EGFLAM: variants seen among roughly 807,000 people sequenced by gnomAD.
EGFLAM encodes pikachurin.
Under a neutral mutation model 113.1 loss-of-function variants are expected in EGFLAM, and 79 were observed. That is an observed-to-expected ratio of 0.70 (90% CI 0.58 to 0.84). The LOEUF (loss-of-function observed/expected upper bound fraction) is 0.84, where lower values mean the gene tolerates loss of function less well. EGFLAM is among the 40% of genes least tolerant of loss of function. The probability of loss-of-function intolerance (pLI) is 0.00; values close to 1 mark genes in which losing one functional copy is unlikely to be tolerated. For synonymous variants in EGFLAM, 504 were observed against 487.6 expected (o/e 1.03, Z -0.44); for missense variants, 1,265 against 1,291.6 (o/e 0.98, Z 0.32).
chr5:38,417,194 C>T (rs944604813), intron 11 of EGFLAM, among the ~76,000 whole-genome samples: 2 of 151,690 alleles, frequency 1.3e-5, no homozygotes, highest in African/African-American at 2.4e-5. Flanking sequence ...TCTAAAAATA[C>T]AAAATTAGCT....
At chr5:38,409,908 T>C (rs1042670429) in intron 10 of EGFLAM, among the ~76,000 whole-genome samples, 1 of 152,084 alleles carries the variant, frequency 6.6e-6, no homozygotes, top group African/African-American at 2.4e-5. Context: ...TAATGAGTCT[T>C]GTGGAGGTGT....
intron 17 of EGFLAM, chr5:38,445,587 C>A: frequency 6.3e-7 from 1 of 1,597,644 alleles, no homozygotes; most frequent in South Asian, 1.1e-5. Context: ...ACAAGGCTGG[C>A]TTCAAGTGAT....
intron 6 of EGFLAM, among the ~76,000 whole-genome samples, chr5:38,392,598 C>T (rs1269578530): frequency 6.6e-6 from 1 of 150,724 alleles, no homozygotes; most frequent in Non-Finnish European, 1.5e-5. Flanking sequence ...CCCTTTTCTC[C>T]ACAACCTCAC....
intron 1 of EGFLAM, among the ~76,000 whole-genome samples, chr5:38,265,993 C>T (rs1414587602): frequency 6.6e-6 from 1 of 152,218 alleles, no homozygotes; most frequent in African/African-American, 2.4e-5. Context: ...CCTCCACGCC[C>T]AGCTGTGACT....
At chr5:38,402,196 G>C (rs1429753191) in intron 6 of EGFLAM, 1 of 152,142 alleles carries the variant, frequency 6.6e-6, no homozygotes, top group African/African-American at 2.4e-5. Context: ...AGGCCAGTTT[G>C]GCTATTATAT....
At chr5:38,408,052 C>T (rs528492665) in intron 9 of EGFLAM, 147 bp downstream of exon 9, 4 of 615,804 alleles carry the variant, frequency 6.5e-6, no homozygotes, top group East Asian at 2.8e-5. Context: ...TAAACCAGCT[C>T]ATGAGACAAT....
chr5:38,435,273 A>C lies in EGFLAM; in HGVS notation c.2283+20A>C. The C allele has an allele frequency of 1.1e-4, 166 of 1,572,046 alleles. No homozygotes were observed. The highest frequency in any genetic ancestry group is 1.3e-4 in the Non-Finnish European group (151 of 1,141,848). ...CAGAAGGTACAGGCATCTCTTCCTC[A>C]TGTTTACTGGGCCACCCAGACTGTA... is the stretch of plus-strand genomic sequence containing the variant. On this transcript the variant is annotated intron_variant, in intron 16 of 21. Coordinates refer to ENST00000322350, the MANE Select transcript of EGFLAM (RefSeq NM_152403.4).
intron 11 of EGFLAM, among the ~76,000 whole-genome samples, chr5:38,413,334 G>A (rs1204330927): frequency 1.3e-5 from 2 of 151,608 alleles, no homozygotes; most frequent in Non-Finnish European, 2.9e-5. Context: ...CAGCCTAGAA[G>A]CCATTATTAG....
chr5:38,438,503 A>G, intron 17 of EGFLAM, 48 bp downstream of exon 17: 1 of 1,483,336 alleles, frequency 6.7e-7, no homozygotes, highest in Non-Finnish European at 9.0e-7. Context: ...AGTGGAAGGA[A>G]CGGACAGCCA....
At chr5:38,272,158 G>A (rs1757780346) in intron 1 of EGFLAM, among the ~76,000 whole-genome samples, 1 of 152,196 alleles carries the variant, frequency 6.6e-6, no homozygotes, top group African/African-American at 2.4e-5. Flanking sequence ...GGGGTTTTAA[G>A]GAGACTCTAA....
chr5:38,277,574 G>A (rs1321752411), intron 1 of EGFLAM, among the ~76,000 whole-genome samples: 1 of 149,362 alleles, frequency 6.7e-6, no homozygotes, highest in Non-Finnish European at 1.5e-5. Context: ...AATTAGGCAA[G>A]ATAAAGAAAT....
At chr5:38,369,965 T>G (rs1411889554) in intron 5 of EGFLAM, among the ~76,000 whole-genome samples, 3 of 152,250 alleles carry the variant, frequency 2.0e-5, no homozygotes, top group Non-Finnish European at 4.4e-5. Flanking sequence ...GGGAGGATTG[T>G]TTGTGAACAT....
intron 1 of EGFLAM, among the ~76,000 whole-genome samples, chr5:38,334,588 C>T (rs1269202214): frequency 2.0e-5 from 3 of 152,156 alleles, no homozygotes; most frequent in East Asian, 3.9e-4. Context: ...TTTGGAAGGA[C>T]ACAAATGTTT....
chr5:38,446,766 G>C (rs564777916), intron 17 of EGFLAM, among the ~76,000 whole-genome samples: 7 of 152,134 alleles, frequency 4.6e-5, no homozygotes, highest in African/African-American at 1.7e-4. Flanking sequence ...TTCTTTTTTA[G>C]TTTTTATGAA....
At position 38,370,413 on chromosome 5, in the gene EGFLAM, C is replaced by T. The variant is rs1265228667; in HGVS notation, c.663C>T (p.Ser221=). Residue 221 remains serine, a synonymous_variant, in exon 6 of 22, where the codon TCC becomes TCT. Coordinates refer to ENST00000322350, the MANE Select transcript of EGFLAM (RefSeq NM_152403.4). ...NYQFAVRAMN[S]HGPSPRSWPS... Reference sequence around the variant, plus strand: ...AGTTTGCCGTGAGGGCAATGAATTCCCATGGCCCCAGCCCCCGCAGCTGGC... The same window carrying T: ...AGTTTGCCGTGAGGGCAATGAATTCTCATGGCCCCAGCCCCCGCAGCTGGC... 1.2e-6 allele frequency: 2 copies of T among 1,614,210 alleles called. No homozygotes were observed. The highest frequency in any genetic ancestry group is 1.7e-6 in the Non-Finnish European group (2 of 1,180,044).
intron 6 of EGFLAM, chr5:38,401,792 T>A (rs1355377308): frequency 6.6e-6 from 1 of 152,130 alleles, no homozygotes; most frequent in African/African-American, 2.4e-5. Flanking sequence ...AGGGCAAGAG[T>A]CTAAGGCCAG....
intron 1 of EGFLAM, among the ~76,000 whole-genome samples, chr5:38,310,964 G>A (rs1301486133): frequency 2.0e-5 from 3 of 151,940 alleles, no homozygotes; most frequent in Non-Finnish European, 2.9e-5. Flanking sequence ...CACCTACCCC[G>A]TCCTTAATCT....
intron 1 of EGFLAM, among the ~76,000 whole-genome samples, chr5:38,324,739 T>C (rs547427392): frequency 6.6e-6 from 1 of 152,276 alleles, no homozygotes; most frequent in South Asian, 2.1e-4. Context: ...CCGTATCTCT[T>C]AGGCTCGGGG....
At chr5:38,337,010 C>T (rs935060920) in intron 1 of EGFLAM, among the ~76,000 whole-genome samples, 2 of 152,090 alleles carry the variant, frequency 1.3e-5, no homozygotes, top group Non-Finnish European at 2.9e-5. Flanking sequence ...TATGAAGTTA[C>T]TTAAGATAGA....
Sources: allele counts gnomAD v4.1 joint callset (sites outside exome capture counted in the v4.1 genomes callset), GRCh38; gene constraint gnomAD v4.1.1; transcripts MANE v1.5; gene names NCBI Gene and HGNC (gene_info 2026-07-23, HGNC 2026-07-21).